Variants in ADARB2 observed in about 807,000 individuals in gnomAD.
ADARB2 encodes the protein inactive double-stranded RNA-specific editase B2.
A neutral mutation model predicts 62.2 loss-of-function variants in ADARB2; 25 were observed. That is an observed-to-expected ratio of 0.40 (90% confidence interval 0.29 to 0.56). The LOEUF (loss-of-function observed/expected upper bound fraction) is 0.56. Ranked by LOEUF, ADARB2 falls within the 20% of genes least tolerant of loss-of-function variation. The probability of loss-of-function intolerance (pLI) is 0.43; values close to 1 mark genes in which losing one functional copy is unlikely to be tolerated. For missense variants in ADARB2, 1,071 were observed against 1,077.4 expected, an observed-to-expected ratio of 0.99 and a Z score of 0.08; for synonymous variants, 572 against 500.8, an observed-to-expected ratio of 1.14 and a Z score of -1.90.
intron 1 of ADARB2, among the ~76,000 whole-genome samples, chr10:1,683,738 G>A (rs927055199): frequency 3.3e-5 from 5 of 152,202 alleles, no homozygotes. Flanking sequence ...GAGAGAAAAA[G>A]ACATCATGAC....
intron 1 of ADARB2, among the ~76,000 whole-genome samples, chr10:1,403,750 A>G (rs1051986279): frequency 1.3e-4 from 20 of 152,168 alleles, no homozygotes; most frequent in Non-Finnish European, 8.8e-5. Flanking sequence ...TCTGTAACCC[A>G]CAGGCTTTCT....
intron 4 of ADARB2, among the ~76,000 whole-genome samples, chr10:1,250,475 C>A (rs1455570029): frequency 6.6e-6 from 1 of 152,054 alleles, no homozygotes; most frequent in Non-Finnish European, 1.5e-5. Flanking sequence ...GCCACGATGT[C>A]CCTTAGTCTT....
intron 1 of ADARB2, among the ~76,000 whole-genome samples, chr10:1,607,816 G>A (rs146848054): frequency 9.7e-4 from 148 of 152,328 alleles, no homozygotes; most frequent in African/African-American, 3.4e-3. Flanking sequence ...GACATGACGC[G>A]GCTGACCTCT....
intron 9 of ADARB2, 72 bp downstream of exon 9, chr10:1,184,789 C>T: frequency 6.5e-7 from 1 of 1,532,752 alleles, no homozygotes; most frequent in African/African-American, 1.4e-5. Context: ...TGGCCTCTCC[C>T]AAGAGCTTGC....
intron 1 of ADARB2, among the ~76,000 whole-genome samples, chr10:1,550,922 G>A (rs572060833): frequency 6.6e-6 from 1 of 152,208 alleles, no homozygotes; most frequent in African/African-American, 2.4e-5. Flanking sequence ...GACTAAAGGT[G>A]CACTGTGCTT....
chr10:1,630,576 G>A (rs1327221170), intron 1 of ADARB2, among the ~76,000 whole-genome samples: 1 of 152,204 alleles, frequency 6.6e-6, no homozygotes, highest in African/African-American at 2.4e-5. Flanking sequence ...GGGGGTGTGT[G>A]CTGGATCCAG....
At chr10:1,251,286 G>A (rs1307222275) in intron 4 of ADARB2, among the ~76,000 whole-genome samples, 1 of 152,172 alleles carries the variant, frequency 6.6e-6, no homozygotes, top group African/African-American at 2.4e-5. Context: ...AAGACATGGA[G>A]GAAAGTTAAA....
chr10:1,612,656 A>G (rs1019594861), intron 1 of ADARB2, among the ~76,000 whole-genome samples: 2 of 152,208 alleles, frequency 1.3e-5, no homozygotes, highest in African/African-American at 4.8e-5. Flanking sequence ...GTGTTGCCTG[A>G]GGCTCTTCTC....
Position 1,477,936 on chromosome 10 carries a change from G to A in ADARB2, c.101-98776C>T, listed in dbSNP as rs1168878543. The stretch of plus-strand genomic sequence containing the variant: ...CCAGGGAAGAGCCCCTCTGCTGGAG[G>A]ACTAAGAGGGTCCATGTGGGATCCT... On this transcript the variant is annotated intron_variant, in intron 1 of 9. Coordinates refer to ENST00000381312, the MANE Select transcript of ADARB2 (RefSeq NM_018702.4). The surrounding 1 kb of genome is among the most constrained non-coding windows in gnomAD (Gnocchi z 4.5). Among the ~76,000 whole-genome samples the A allele has an allele frequency of 6.6e-6, 1 of 152,190 alleles. No individual in the cohort carries two copies. Among genetic ancestry groups the A allele is most frequent in the Non-Finnish European group, 1.5e-5 (1 of 68,038 alleles).
chr10:1,586,020 C>T (rs186711656), intron 1 of ADARB2, among the ~76,000 whole-genome samples: 16 of 152,122 alleles, frequency 1.1e-4, no homozygotes, highest in Admixed American at 9.2e-4. Context: ...GGTGACAGAG[C>T]GAGACTCCAT....
chr10:1,643,443 G>T (rs1247427243), intron 1 of ADARB2, among the ~76,000 whole-genome samples: 1 of 152,196 alleles, frequency 6.6e-6, no homozygotes, highest in Non-Finnish European at 1.5e-5. Flanking sequence ...AGGGCTAGAG[G>T]CCACTCTTAG....
intron 1 of ADARB2, among the ~76,000 whole-genome samples, chr10:1,550,484 C>T (rs1436971457): frequency 6.6e-6 from 1 of 152,188 alleles, no homozygotes; most frequent in Non-Finnish European, 1.5e-5. Flanking sequence ...GAATATGAGT[C>T]AACACATTTT....
At chr10:1,392,833 A>G (rs535378196) in intron 1 of ADARB2, among the ~76,000 whole-genome samples, 14 of 152,190 alleles carry the variant, frequency 9.2e-5, no homozygotes, top group Non-Finnish European at 1.9e-4. Context: ...TGTCAGCCAC[A>G]TGTTCACTGT....
chr10:1,248,536 G>A (rs887495276), intron 4 of ADARB2, among the ~76,000 whole-genome samples: 3 of 152,248 alleles, frequency 2.0e-5, no homozygotes, highest in Non-Finnish European at 4.4e-5. Flanking sequence ...TTCTCAGGAG[G>A]AGGCTGCAGC....
rs576642013 is a variant in ADARB2, at chr10:1,216,492, C to T, written c.1682+459G>A. 5.0e-4 allele frequency: 84 copies of T among 166,532 alleles called. 1 individual carries two copies. Among genetic ancestry groups the T allele is most frequent in the African/African-American group, 1.3e-3 (56 of 41,782 alleles). The allele number at this position is 166,532 out of a possible 1,614,324, so 10.3% of individuals were successfully genotyped here. A position where few individuals can be genotyped will look rare whatever the true frequency, so the allele number is the denominator to read the frequency against. ...AACTCCATCCAAGAAGACAATATCTCGGGATGGTAGGGGAAAGGTGTTCCA... is the reference window on the plus strand; with the variant it reads ...AACTCCATCCAAGAAGACAATATCTTGGGATGGTAGGGGAAAGGTGTTCCA... On this transcript the variant is annotated intron_variant, in intron 7 of 9. Coordinates refer to ENST00000381312, the MANE Select transcript of ADARB2 (RefSeq NM_018702.4).
intron 1 of ADARB2, among the ~76,000 whole-genome samples, chr10:1,467,515 A>C (rs1471187295): frequency 6.6e-6 from 1 of 152,272 alleles, no homozygotes; most frequent in Admixed American, 6.5e-5. Flanking sequence ...ATGAAGCCAC[A>C]TCTGGCTCAG....
At chr10:1,534,239 C>T (rs771932065) in intron 1 of ADARB2, among the ~76,000 whole-genome samples, 4 of 152,036 alleles carry the variant, frequency 2.6e-5, no homozygotes, top group East Asian at 1.9e-4. Flanking sequence ...CGGGTTCAAC[C>T]GATTCTCCTG....
rs1239303599 is a variant in ADARB2 at position 1,184,894 on chromosome 10, C to A, written c.2010G>T (p.Val670=). 6.2e-7 allele frequency: 1 copy of A among 1,613,816 alleles called. No homozygotes were observed. The highest frequency in any genetic ancestry group is 8.5e-7 in the Non-Finnish European group (1 of 1,180,022). Residue 670 remains valine (V), a synonymous_variant, in exon 9 of 10, where the codon GTG becomes GTT. Transcript: ENST00000381312. ...CGGPSRLCKH[V]LSARWARLYG... is the part of the protein sequence containing the mutation. ...ACAGCCGCGCCCACCGTGCAGACAGCACGTGCTTGCAGAGCCGGGATGGGC... is the reference window on the plus strand; with the variant it reads ...ACAGCCGCGCCCACCGTGCAGACAGAACGTGCTTGCAGAGCCGGGATGGGC...
At chr10:1,595,505 G>A (rs1833321624) in intron 1 of ADARB2, among the ~76,000 whole-genome samples, 1 of 152,152 alleles carries the variant, frequency 6.6e-6, no homozygotes, top group African/African-American at 2.4e-5. Flanking sequence ...TGTGGCAGGG[G>A]CATCTGCTGG....
Sources: allele counts gnomAD v4.1 joint callset (sites outside exome capture counted in the v4.1 genomes callset), GRCh38; gene constraint gnomAD v4.1.1; non-coding constraint Gnocchi (gnomAD v3.1); transcripts MANE v1.5; gene names NCBI Gene and HGNC (gene_info 2026-07-23, HGNC 2026-07-21).